The following GRAMD4 variants were observed in gnomAD, a reference collection of about 807,000 sequenced individuals.
GRAMD4 encodes GRAM domain containing 4.
Under a neutral mutation model 83.9 loss-of-function variants are expected in GRAMD4, and 25 were observed. The ratio of observed to expected loss-of-function variants is 0.30; its 90% CI spans 0.22 to 0.42. The LOEUF (loss-of-function observed/expected upper bound fraction) is 0.42. GRAMD4 is among the 10% of genes least tolerant of loss of function. The pLI, the probability that GRAMD4 is intolerant of heterozygous loss-of-function variation, is 1.00. For synonymous variants in GRAMD4, 336 were observed against 320.9 expected (o/e 1.05, Z -0.50); for missense variants, 593 against 788.7 (o/e 0.75, Z 2.97).
chr22:46,673,368 A>G (rs926512930), intron 14 of GRAMD4, among the ~76,000 whole-genome samples: 1 of 152,212 alleles, frequency 6.6e-6, no homozygotes, highest in Non-Finnish European at 1.5e-5. Flanking sequence ...GCCATATTTC[A>G]TTCACAGTCA....
intron 2 of GRAMD4, among the ~76,000 whole-genome samples, chr22:46,630,668 G>C (rs1170810529): frequency 1.3e-5 from 2 of 152,180 alleles, no homozygotes; most frequent in African/African-American, 2.4e-5. Context: ...CCTGGCAGCG[G>C]CTCAGGATCT....
chr22:46,585,257 C>T (rs1466892430), intron 1 of GRAMD4, among the ~76,000 whole-genome samples: 1 of 150,328 alleles, frequency 6.7e-6, no homozygotes. Flanking sequence ...ATGGCGTGAT[C>T]GTGGCTCATT....
chr22:46,631,041 G>A (rs543397405), intron 2 of GRAMD4, among the ~76,000 whole-genome samples: 54 of 152,326 alleles, frequency 3.5e-4, no homozygotes, highest in African/African-American at 1.2e-3. Context: ...CCACCGCCCC[G>A]AGGGGCAAGA....
Position 46,622,891 on chromosome 22 carries a change from G to A in GRAMD4, c.-50+2326G>A, listed in dbSNP as rs535042982. Among the ~76,000 whole-genome samples, 38 of 144,750 alleles carry A rather than the reference G, an allele frequency of 2.6e-4. No homozygotes were observed. The highest frequency in any genetic ancestry group is 7.1e-3 in the Middle Eastern group (2 of 280). The allele number at this position is 144,750 out of a possible 152,430, so 95.0% of individuals were successfully genotyped here. On this transcript the variant is annotated intron_variant, in intron 1 of 18. Transcript: ENST00000406902. The surrounding 1 kb of genome is among the most constrained non-coding windows in gnomAD (Gnocchi z 4.0). ...CACGCCACTGCACTCCAGCCTGGGC[G>A]ACAGAGCAAGACTCCATCTCTAAAA...
rs868454815 is a variant in GRAMD4 at position 46,635,296 on chromosome 22, C to T, written c.163-2544C>T. Among the ~76,000 whole-genome samples, 225 of 75,340 alleles carry T rather than the reference C, an allele frequency of 3.0e-3. 1 individual carries two copies. The highest frequency in any genetic ancestry group is 4.4e-3 in the Non-Finnish European group (156 of 35,810). The allele number at this position is 75,340 out of a possible 152,430, so 49.4% of individuals were successfully genotyped here. A position where few individuals can be genotyped will look rare whatever the true frequency, so the allele number is the denominator to read the frequency against. On this transcript the variant is annotated intron_variant, in intron 2 of 18. Coordinates refer to ENST00000406902, the MANE Select transcript of GRAMD4 (RefSeq NM_015124.5). ...ACCGTGTCCTCCCTGCCCCCGCCCC[C>T]GGCCACTCCTGTCCTGGGGGACCGT...
upstream of GRAMD4, among the ~76,000 whole-genome samples, chr22:46,576,748 G>A (rs1420453962): frequency 2.0e-5 from 3 of 150,512 alleles, no homozygotes; most frequent in East Asian, 5.9e-4. Context: ...AGAAAGGCGG[G>A]CGGTCCCGCG....
rs755967770 is a variant in GRAMD4 at position 46,661,351 on chromosome 22, C to G, written c.405-30C>G. 3 of 1,595,112 alleles carry G rather than the reference C, an allele frequency of 1.9e-6. No individual in the cohort carries two copies. In the East Asian group the frequency reaches 6.7e-5, roughly 36 times the overall value. On this transcript the variant is annotated intron_variant, in intron 4 of 18. Coordinates refer to ENST00000406902, the MANE Select transcript of GRAMD4 (RefSeq NM_015124.5). Reference sequence around the variant, plus strand: ...GGCATGGAGTTTGGAACTAACAGACCTCTTGTCTCTTCTCTCCCTGCTTTT... The same window carrying G: ...GGCATGGAGTTTGGAACTAACAGACGTCTTGTCTCTTCTCTCCCTGCTTTT...
In GRAMD4 at chr22:46,597,614, C is replaced by T. The variant is rs573766286; in HGVS notation, c.-50+20324C>T. On this transcript the variant is annotated intron_variant, in intron 1 of 1. Transcript: ENST00000431155. ...ACACCATTCTCCCGCCTCAGCCTCC[C>T]GAGTAGCTGGGACCACAGGCACCCG... Among the ~76,000 whole-genome samples, 4 of 152,090 alleles carry T rather than the reference C, an allele frequency of 2.6e-5. No homozygotes were observed. The East Asian group carries it at 5.9e-4, about 22-fold the overall frequency.
intron 3 of GRAMD4, among the ~76,000 whole-genome samples, chr22:46,643,151 C>CCATCCATCCATCCATG (rs2082007057): frequency 1.7e-4 from 1 of 5,740 alleles, no homozygotes; most frequent in Non-Finnish European, 4.4e-4. Flanking sequence ...TTCCATCCAT[C>CCATCCATCCATCCATG]CATCCATCCA....
chr22:46,641,397 AAG>A lies in GRAMD4; in HGVS notation c.283+3438_283+3439del, dbSNP rs1231074063. 3.3e-3 allele frequency among the ~76,000 whole-genome samples: 6 copies of A among 1,792 alleles called. No individual in the cohort carries two copies. In the East Asian group the frequency reaches 0.42, roughly 124 times the overall value. The allele number at this position is 1,792 out of a possible 152,430, so 1.2% of individuals were successfully genotyped here. ...CCCATCTCTAAATAAATAAATAAGG[AAG>A]GAAGGAAGGAAGGAAGGAAGGAAAC... On this transcript the variant is annotated intron_variant, in intron 3 of 18. Transcript: ENST00000406902.
At position 46,672,986 on chromosome 22, in the gene GRAMD4, G is replaced by A; in HGVS notation, c.1228G>A (p.Val410Ile). ...PQLKERSSAA[V>I]SRRLQTTSSR... ...GCTCAAGGAGCGCTCCAGCGCCGCAGTCTCACGCAGGGTGAGCCCGGCCCC... is the reference window on the plus strand; with the variant it reads ...GCTCAAGGAGCGCTCCAGCGCCGCAATCTCACGCAGGGTGAGCCCGGCCCC... Residue 410 changes from valine to isoleucine, a missense_variant, in exon 14 of 19, where the codon GTC becomes ATC. Physicochemically the swap from Val to Ile is conservative, Grantham distance 29. Transcript: ENST00000406902. This position sits in a 1 kb window ranked among gnomAD's most constrained non-coding sequence, Gnocchi z 4.7. The A allele has an allele frequency of 6.2e-7, 1 of 1,600,414 alleles. No homozygotes were observed. The highest frequency in any genetic ancestry group is 2.2e-5 in the East Asian group (1 of 44,566).
At chr22:46,618,778 C>T (rs1448309415), upstream of GRAMD4, among the ~76,000 whole-genome samples, 1 of 152,148 alleles carries the variant, frequency 6.6e-6, no homozygotes, top group Non-Finnish European at 1.5e-5. The surrounding 1 kb of genome is among the most constrained non-coding windows in gnomAD (Gnocchi z 5.8). Context: ...GCAGCCCCGT[C>T]TGGAGGCGTG....
chr22:46,627,559 G>C (rs2081685840), intron 2 of GRAMD4, among the ~76,000 whole-genome samples: 1 of 152,210 alleles, frequency 6.6e-6, no homozygotes, highest in African/African-American at 2.4e-5. Context: ...GCATTTGGTG[G>C]GGGGTGGGGC....
Position 46,671,026 on chromosome 22 carries a change from C to T in GRAMD4, c.1085-1817C>T, listed in dbSNP as rs372097292. ...GGCCAAGATGGCATTCCTGGCTTAT[C>T]GGTGCCCATGTATTCTTTTGCAGTG... On this transcript the variant is annotated intron_variant, in intron 13 of 18. Coordinates refer to ENST00000406902, the MANE Select transcript of GRAMD4 (RefSeq NM_015124.5). 516 of 434,344 alleles carry T rather than the reference C, an allele frequency of 1.2e-3. 4 individuals carry two copies. The highest frequency in any genetic ancestry group is 9.7e-3 in the African/African-American group (481 of 49,542). 26.9% of individuals were successfully genotyped at this position (434,344 alleles called of 1,614,324 possible). A position where few individuals can be genotyped will look rare whatever the true frequency, so the allele number is the denominator to read the frequency against.
At chr22:46,653,948 A>G (rs984397091) in intron 3 of GRAMD4, among the ~76,000 whole-genome samples, 2 of 152,126 alleles carry the variant, frequency 1.3e-5, no homozygotes, top group African/African-American at 4.8e-5. Flanking sequence ...GAGGCATGAG[A>G]TGGAAACACC....
intron 2 of GRAMD4, among the ~76,000 whole-genome samples, chr22:46,634,190 A>G (rs537850731): frequency 4.6e-5 from 7 of 152,248 alleles, no homozygotes; most frequent in African/African-American, 9.6e-5. Context: ...GTGGGGAGCG[A>G]GGCTGCAGAG....
intron 8 of GRAMD4, among the ~76,000 whole-genome samples, chr22:46,664,497 G>A (rs1247735053): frequency 1.3e-5 from 2 of 152,106 alleles, no homozygotes; most frequent in Non-Finnish European, 2.9e-5. Context: ...CCAAGGGCAT[G>A]GCAGCACGAG....
chr22:46,634,903 A>G lies in GRAMD4; in HGVS notation c.163-2937A>G, dbSNP rs570854199. ...GGTTGCAGTGATCCGAGATCATGTC[A>G]TTGCACTCCAGCCTGGGCGACAGAG... On this transcript the variant is annotated intron_variant, in intron 2 of 18. Transcript: ENST00000406902. Among the ~76,000 whole-genome samples the G allele has an allele frequency of 2.0e-5, 3 of 151,782 alleles. No individual in the cohort carries two copies. The East Asian group carries it at 5.8e-4, about 29-fold the overall frequency.
intron 2 of GRAMD4, among the ~76,000 whole-genome samples, chr22:46,633,225 T>G (rs2081803109): frequency 6.6e-6 from 1 of 152,062 alleles, no homozygotes; most frequent in African/African-American, 2.4e-5. Context: ...GTTCCATCCC[T>G]CTGCCCGCCC....
Sources: allele counts gnomAD v4.1 joint callset (sites outside exome capture counted in the v4.1 genomes callset), GRCh38; gene constraint gnomAD v4.1.1; non-coding constraint Gnocchi (gnomAD v3.1); transcripts MANE v1.5; gene names NCBI Gene and HGNC (gene_info 2026-07-23, HGNC 2026-07-21).